BMAL1: variants seen among roughly 807,000 people sequenced by gnomAD.
BMAL1 encodes basic helix-loop-helix ARNT-like protein 1.
At chr11:13,370,133 C>T in the BMAL1 span, among the ~76,000 whole-genome samples, 1 of 152,186 alleles carries the variant, frequency 6.6e-6, no homozygotes, top group African/African-American at 2.4e-5. Context: ...GAACATTTTT[C>T]CTTTGTCTTC....
the BMAL1 span, among the ~76,000 whole-genome samples, chr11:13,346,122 A>T: frequency 3.9e-5 from 6 of 152,194 alleles, no homozygotes; most frequent in African/African-American, 1.4e-4. Flanking sequence ...TGGCTAAAGG[A>T]GGAGCCTCTA....
At chr11:13,302,199 G>T in the BMAL1 span, among the ~76,000 whole-genome samples, 1 of 152,174 alleles carries the variant, frequency 6.6e-6, no homozygotes, top group Non-Finnish European at 1.5e-5. Flanking sequence ...GCCCAGAGCT[G>T]CAGACAATCC....
chr11:13,380,902 T>C, the BMAL1 span: 1 of 372,894 alleles, frequency 2.7e-6, no homozygotes, highest in Non-Finnish European at 4.9e-6. Context: ...CAGCTTGTCA[T>C]CTGTTTTTGT....
At chr11:13,333,169 G>A in the BMAL1 span, among the ~76,000 whole-genome samples, 1 of 152,104 alleles carries the variant, frequency 6.6e-6, no homozygotes, top group African/African-American at 2.4e-5. Flanking sequence ...GTTTTGCCAT[G>A]TTGGCCAGGC....
At chr11:13,296,175 C>T in the BMAL1 span, among the ~76,000 whole-genome samples, 1 of 152,198 alleles carries the variant, frequency 6.6e-6, no homozygotes, top group East Asian at 1.9e-4. Context: ...TTGTCCCCTC[C>T]TTCTGGGAAC....
the BMAL1 span, among the ~76,000 whole-genome samples, chr11:13,344,767 T>G: frequency 1.3e-5 from 2 of 152,188 alleles, no homozygotes; most frequent in Admixed American, 1.3e-4. Context: ...CACCACCCTC[T>G]GAACAGATCA....
the BMAL1 span, among the ~76,000 whole-genome samples, chr11:13,350,260 A>C: frequency 6.6e-6 from 1 of 152,206 alleles, no homozygotes; most frequent in East Asian, 1.9e-4. Context: ...TGTCTGCTGC[A>C]TGGCCCAAGG....
chr11:13,292,189 A>G, the BMAL1 span, among the ~76,000 whole-genome samples: 1 of 152,058 alleles, frequency 6.6e-6, no homozygotes, highest in African/African-American at 2.4e-5. Flanking sequence ...TGGTAATCTC[A>G]TATTTTAAAA....
chr11:13,361,408 G>C, the BMAL1 span, among the ~76,000 whole-genome samples: 1 of 152,066 alleles, frequency 6.6e-6, no homozygotes, highest in Non-Finnish European at 1.5e-5. Flanking sequence ...TAAAAGGAAG[G>C]ATACCCGCTT....
At chr11:13,375,576 A>C in the BMAL1 span, 1 of 1,520,792 alleles carries the variant, frequency 6.6e-7, no homozygotes, top group African/African-American at 1.4e-5. Flanking sequence ...TTGGTCTGAG[A>C]AAACAACAAT....
chr11:13,330,225 A>C, the BMAL1 span, among the ~76,000 whole-genome samples: 1 of 152,338 alleles, frequency 6.6e-6, no homozygotes, highest in South Asian at 2.1e-4. Flanking sequence ...GCCGCCTTTC[A>C]AGTAGGTCCT....
At chr11:13,364,707 G>A in the BMAL1 span, among the ~76,000 whole-genome samples, 1 of 152,172 alleles carries the variant, frequency 6.6e-6, no homozygotes, top group Admixed American at 6.5e-5. Context: ...GTATTTACCT[G>A]CTTCAGTCTC....
chr11:13,350,707 G>T, the BMAL1 span, among the ~76,000 whole-genome samples: 1 of 151,996 alleles, frequency 6.6e-6, no homozygotes, highest in African/African-American at 2.4e-5. Context: ...CCTAAGCTTA[G>T]GTAGTATATC....
the BMAL1 span, among the ~76,000 whole-genome samples, chr11:13,340,176 G>A: frequency 6.6e-6 from 1 of 151,910 alleles, no homozygotes; most frequent in Non-Finnish European, 1.5e-5. Context: ...GGCAGTGGTA[G>A]CCGTCTGAGG....
chr11:13,362,083 C>T, the BMAL1 span, among the ~76,000 whole-genome samples: 12 of 152,276 alleles, frequency 7.9e-5, no homozygotes, highest in Non-Finnish European at 1.3e-4. Context: ...TGGGAATTGG[C>T]TTCCCCAACA....
the BMAL1 span, chr11:13,376,592 T>TTCTGA: frequency 4.4e-6 from 7 of 1,586,968 alleles, no homozygotes; most frequent in Non-Finnish European, 4.3e-6. Flanking sequence ...TGGTGCACAG[T>TTCTGA]TCTGAGCAGG....
chr11:13,384,112 CT>C, the BMAL1 span, among the ~76,000 whole-genome samples: 20 of 151,376 alleles, frequency 1.3e-4, no homozygotes, highest in South Asian at 2.3e-3. Context: ...ATTTAGAATA[CT>C]TTTTTTTTGG....
the BMAL1 span, among the ~76,000 whole-genome samples, chr11:13,291,686 A>G: frequency 6.6e-6 from 1 of 152,216 alleles, no homozygotes; most frequent in Non-Finnish European, 1.5e-5. Context: ...ATTCTGATTC[A>G]CTGTATTTAG....
At chr11:13,382,588 C>CAT in the BMAL1 span, among the ~76,000 whole-genome samples, 1 of 151,906 alleles carries the variant, frequency 6.6e-6, no homozygotes, top group Non-Finnish European at 1.5e-5. Context: ...GTCCTTCCTG[C>CAT]ATATTGGATC....
Sources: gnomAD v4.1 joint callset for allele counts (sites outside exome capture counted in the v4.1 genomes callset) on GRCh38, gnomAD v4.1.1 for gene constraint, MANE v1.5 for transcripts, NCBI Gene and HGNC (gene_info 2026-07-23, HGNC 2026-07-21) for gene names.